KCNQ3: variants seen among roughly 807,000 people sequenced by gnomAD.
KCNQ3 encodes potassium voltage-gated channel subfamily KQT member 3.
In KCNQ3, 30 loss-of-function variants were observed where a neutral mutation model predicts 92.5. The ratio of observed to expected loss-of-function variants is 0.32; its 90% CI spans 0.24 to 0.44. The LOEUF (loss-of-function observed/expected upper bound fraction) is 0.44. KCNQ3 is among the 20% of genes least tolerant of loss of function. The probability of loss-of-function intolerance (pLI) is 1.00; values close to 1 mark genes in which losing one functional copy is unlikely to be tolerated. For missense variants in KCNQ3, 913 were observed against 1,140.3 expected (o/e 0.80, Z 2.87); for synonymous variants, 450 against 468.8 (o/e 0.96, Z 0.52).
At chr8:132,363,413 T>C (rs1242202572) in intron 1 of KCNQ3, among the ~76,000 whole-genome samples, 2 of 152,120 alleles carry the variant, frequency 1.3e-5, no homozygotes, top group Non-Finnish European at 2.9e-5. Flanking sequence ...TCCCTTGGAA[T>C]GCACTTTGGA....
chr8:132,456,116 G>C (rs941440448), intron 1 of KCNQ3, among the ~76,000 whole-genome samples: 1 of 152,104 alleles, frequency 6.6e-6, no homozygotes, highest in Non-Finnish European at 1.5e-5. Flanking sequence ...TCCCTTGCCT[G>C]AGGTCACACC....
chr8:132,227,454 C>T (rs187695092), intron 1 of KCNQ3, among the ~76,000 whole-genome samples: 29 of 152,188 alleles, frequency 1.9e-4, no homozygotes, highest in African/African-American at 5.5e-4. Context: ...AGTGAGAAGC[C>T]GGATGTCTGC....
At chr8:132,260,672 C>G (rs1022475367) in intron 1 of KCNQ3, among the ~76,000 whole-genome samples, 1 of 152,078 alleles carries the variant, frequency 6.6e-6, no homozygotes, top group African/African-American at 2.4e-5. Flanking sequence ...CCATCCTTGC[C>G]AATACAGCAG....
At chr8:132,371,417 C>A (rs2130738318) in intron 1 of KCNQ3, among the ~76,000 whole-genome samples, 2 of 152,296 alleles carry the variant, frequency 1.3e-5, no homozygotes, top group South Asian at 4.1e-4. Flanking sequence ...AAGAGTCTGC[C>A]TACTGCGGTT....
chr8:132,408,334 G>T (rs1246804197), intron 1 of KCNQ3, among the ~76,000 whole-genome samples: 2 of 152,126 alleles, frequency 1.3e-5, no homozygotes, highest in African/African-American at 4.8e-5. Flanking sequence ...TCTACTACAT[G>T]GAGTGAGCTT....
chr8:132,429,963 GTTCA>G (rs551678920), intron 1 of KCNQ3, among the ~76,000 whole-genome samples: 3 of 151,446 alleles, frequency 2.0e-5, no homozygotes, highest in East Asian at 1.9e-4. Context: ...AAGTGCTCTA[GTTCA>G]TTCATTCATT....
At chr8:132,279,609 T>C (rs938579051) in intron 1 of KCNQ3, among the ~76,000 whole-genome samples, 17 of 152,224 alleles carry the variant, frequency 1.1e-4, no homozygotes, top group African/African-American at 3.9e-4. Context: ...AGGTGACTTA[T>C]GAATGGTATA....
chr8:132,430,608 T>C (rs1386022029), intron 1 of KCNQ3, among the ~76,000 whole-genome samples: 1 of 152,230 alleles, frequency 6.6e-6, no homozygotes, highest in African/African-American at 2.4e-5. Context: ...GATCCATTTT[T>C]AAACCACTCC....
intron 1 of KCNQ3, among the ~76,000 whole-genome samples, chr8:132,288,935 G>C (rs998607217): frequency 6.6e-6 from 1 of 152,174 alleles, no homozygotes; most frequent in African/African-American, 2.4e-5. Flanking sequence ...CAGATGGCAA[G>C]GCCTTGTCAA....
chr8:132,397,591 A>G (rs147291202), intron 1 of KCNQ3, among the ~76,000 whole-genome samples: 1 of 152,214 alleles, frequency 6.6e-6, no homozygotes, highest in Non-Finnish European at 1.5e-5. Flanking sequence ...GAAGTAGGAT[A>G]TGTTTTACAG....
Position 132,180,199 on chromosome 8 carries a change from G to T in KCNQ3, c.735C>A (p.Gly245=). The change falls in exon 4 of 15, where the codon GGC becomes GGA. Residue 245 remains glycine (G), a synonymous_variant. Transcript: ENST00000388996. The part of the protein sequence containing the change: ...LRMLRMDRRG[G]TWKLLGSAIC... Reference sequence around the variant, plus strand: ...TGGCTGAGCCCAGAAGCTTCCAGGTGCCACCTCTCCGGTCCATCCGCAGCA... The same window carrying T: ...TGGCTGAGCCCAGAAGCTTCCAGGTTCCACCTCTCCGGTCCATCCGCAGCA... 6.2e-7 allele frequency: 1 copy of T among 1,614,166 alleles called. No individual in the cohort carries two copies. Among genetic ancestry groups the T allele is most frequent in the Non-Finnish European group, 8.5e-7 (1 of 1,180,036 alleles).
At chr8:132,423,758 C>T (rs1308287692) in intron 1 of KCNQ3, among the ~76,000 whole-genome samples, 2 of 152,270 alleles carry the variant, frequency 1.3e-5, no homozygotes, top group African/African-American at 2.4e-5. Context: ...GAGCCCCACG[C>T]TCCTGACCTT....
intron 1 of KCNQ3, among the ~76,000 whole-genome samples, chr8:132,376,710 T>A (rs898660672): frequency 5.3e-5 from 8 of 152,266 alleles, no homozygotes; most frequent in African/African-American, 1.7e-4. Context: ...GTTGTTTTGA[T>A]ATCTATTAGC....
At chr8:132,330,255 C>A (rs548027248) in intron 1 of KCNQ3, among the ~76,000 whole-genome samples, 5 of 152,148 alleles carry the variant, frequency 3.3e-5, no homozygotes, top group Non-Finnish European at 7.3e-5. Flanking sequence ...CCAGAGTGGA[C>A]AAGACCCTGC....
intron 1 of KCNQ3, among the ~76,000 whole-genome samples, chr8:132,409,533 G>A (rs1318536824): frequency 1.3e-5 from 2 of 151,964 alleles, no homozygotes; most frequent in Non-Finnish European, 2.9e-5. Flanking sequence ...ACACGTCTTG[G>A]TTCCACTGTG....
At chr8:132,156,420 G>A (rs1046620266) in intron 9 of KCNQ3, among the ~76,000 whole-genome samples, 3 of 151,964 alleles carry the variant, frequency 2.0e-5, no homozygotes, top group East Asian at 2.0e-4. Flanking sequence ...CAGTCCCTAC[G>A]GCTATGACTA....
chr8:132,157,965 T>C (rs1000581647), intron 9 of KCNQ3, among the ~76,000 whole-genome samples: 2 of 152,166 alleles, frequency 1.3e-5, no homozygotes, highest in Admixed American at 6.5e-5. Flanking sequence ...GACTTCTAGG[T>C]ATATTTCTTA....
chr8:132,279,143 G>A (rs563944193), intron 1 of KCNQ3, among the ~76,000 whole-genome samples: 17 of 152,236 alleles, frequency 1.1e-4, no homozygotes, highest in South Asian at 4.2e-4. Context: ...GCTTGAACCC[G>A]GAAGGCGGAG....
chr8:132,363,940 A>G (rs2130727264), intron 1 of KCNQ3, among the ~76,000 whole-genome samples: 1 of 152,136 alleles, frequency 6.6e-6, no homozygotes. Flanking sequence ...ATCTAAACTC[A>G]GATGCAATTA....
Sources: allele counts gnomAD v4.1 joint callset (sites outside exome capture counted in the v4.1 genomes callset), GRCh38; gene constraint gnomAD v4.1.1; transcripts MANE v1.5; gene names NCBI Gene and HGNC (gene_info 2026-07-23, HGNC 2026-07-21).